The following RREB1 variants were observed in gnomAD, a reference collection of about 807,000 sequenced individuals.
RREB1 encodes ras-responsive element-binding protein 1.
RREB1 carries 27 observed loss-of-function variants against 117.8 expected under a neutral mutation model. The ratio of observed to expected loss-of-function variants is 0.23; its 90% confidence interval spans 0.17 to 0.32. The LOEUF is 0.32. Among genes scored for constraint, RREB1 ranks in the 10% least tolerant of loss-of-function variants. RREB1 has a pLI of 1.00. For synonymous variants in RREB1, 1,298 were observed against 1,026.7 expected, an observed-to-expected ratio of 1.26 and a Z score of -5.05; for missense variants, 2,577 against 2,378.2, an observed-to-expected ratio of 1.08 and a Z score of -1.74.
Position 7,231,572 on chromosome 6 carries a change from G to A in RREB1, c.3473G>A (p.Gly1158Glu). 6.2e-7 allele frequency: 1 copy of A among 1,611,542 alleles called. No homozygotes were observed. Among genetic ancestry groups the A allele is most frequent in the East Asian group, 2.2e-5 (1 of 44,808 alleles). Residue 1158 changes from glycine (G) to glutamate (E), a missense_variant, in exon 10 of 13, where the codon GGG becomes GAG. By Grantham distance (98) the Gly-to-Glu change is moderately conservative. Coordinates refer to ENST00000379938, the MANE Select transcript of RREB1 (RefSeq NM_001003699.4). ...GTSKKRGRKR[G>E]MRSRPRANSG... is the part of the protein sequence containing the mutation. Reference sequence around the variant, plus strand: ...TCGAAGAAGAGGGGCCGGAAAAGGGGGATGAGGAGCCGACCCCGCGCCAAC... The same window carrying A: ...TCGAAGAAGAGGGGCCGGAAAAGGGAGATGAGGAGCCGACCCCGCGCCAAC...
In RREB1 at chr6:7,229,224, C is replaced by T. The variant is rs779762492; in HGVS notation, c.1125C>T (p.Val375=). The change falls in exon 10 of 13, where the codon GTC becomes GTT. Residue 375 remains valine (V), a synonymous_variant. Transcript: ENST00000379938. This position sits in a 1 kb window ranked among gnomAD's most constrained non-coding sequence, Gnocchi z 4.5. ...ALLGLQHTKD[V]RPAPAEEPLP... is the part of the protein sequence containing the mutation. ...TTGGCCTGCAGCACACCAAAGACGT[C>T]AGGCCTGCCCCCGCCGAGGAGCCCC... is the stretch of plus-strand genomic sequence containing the variant. The T allele has an allele frequency of 1.2e-6, 2 of 1,613,816 alleles. No individual in the cohort carries two copies. The highest frequency in any genetic ancestry group is 8.5e-7 in the Non-Finnish European group (1 of 1,179,878).
chr6:7,246,873 C>T lies in RREB1; in HGVS notation c.4423C>T (p.Pro1475Ser). ...RHRKAHGRQEPKDEKGDGAST... is the reference protein window; with the variant it reads ...RHRKAHGRQESKDEKGDGAST... ...CCGGAAGGCGCACGGCCGCCAGGAG[C>T]CCAAGGACGAGAAGGGAGATGGCGC... Residue 1475 changes from proline (P) to serine (S), a missense_variant, in exon 12 of 13, where the codon CCC becomes TCC. By Grantham distance (74) the Pro-to-Ser change is moderately conservative. Coordinates refer to ENST00000379938, the MANE Select transcript of RREB1 (RefSeq NM_001003699.4). The T allele has an allele frequency of 6.4e-7, 1 of 1,552,738 alleles. No homozygotes were observed. The highest frequency in any genetic ancestry group is 8.7e-7 in the Non-Finnish European group (1 of 1,148,440).
Position 7,246,683 on chromosome 6 carries a change from G to T in RREB1, c.4233G>T (p.Ser1411=). The change falls in exon 12 of 13, where the codon TCG becomes TCT. Residue 1411 remains serine, a synonymous_variant. Coordinates refer to ENST00000379938, the MANE Select transcript of RREB1 (RefSeq NM_001003699.4). ...CCGACGGCGCGGAAGAGGACGCGTC[G>T]AGCAACCAGAGCCTGGACCTGGACT... ...GDADGAEEDA[S]SNQSLDLDFA... 6.3e-7 allele frequency: 1 copy of T among 1,582,630 alleles called. No homozygotes were observed. Among genetic ancestry groups the T allele is most frequent in the Non-Finnish European group, 8.6e-7 (1 of 1,164,748 alleles).
chr6:7,154,966 A>G (rs1466502221), intron 1 of RREB1, among the ~76,000 whole-genome samples: 1 of 152,168 alleles, frequency 6.6e-6, no homozygotes. Context: ...GGTCAATACT[A>G]GAGGGGCATG....
chr6:7,192,116 ATTTTTTTTTTTTTT>A (rs34074532), intron 6 of RREB1, among the ~76,000 whole-genome samples: 2 of 15,298 alleles, frequency 1.3e-4, no homozygotes, highest in Non-Finnish European at 1.1e-4. Flanking sequence ...TTGTCAGATG[ATTTTTTTTTTTTTT>A]TTTTTTTTTT....
chr6:7,171,346 G>A (rs1282655460), intron 1 of RREB1, among the ~76,000 whole-genome samples: 1 of 152,120 alleles, frequency 6.6e-6, no homozygotes, highest in Non-Finnish European at 1.5e-5. Context: ...TGACGGGGAC[G>A]GAAATGGAAA....
At chr6:7,248,447 G>T (rs1387017831) in intron 12 of RREB1, 64 bp from the exon 13 acceptor site, 11 of 1,407,214 alleles carry the variant, frequency 7.8e-6, no homozygotes, top group African/African-American at 1.4e-5. Flanking sequence ...TTCCTGTGCA[G>T]AGCAGGGTGC....
intron 1 of RREB1, among the ~76,000 whole-genome samples, chr6:7,156,126 C>CT (rs1440695407): frequency 1.3e-5 from 2 of 152,218 alleles, no homozygotes; most frequent in African/African-American, 4.8e-5. Context: ...CTCATTCACA[C>CT]TTAAGAGTCT....
intron 9 of RREB1, among the ~76,000 whole-genome samples, chr6:7,227,542 G>GA (rs11399954): frequency 0.41 from 61,252 of 149,236 alleles, 14,762 homozygotes; most frequent in African/African-American, 0.69. Context: ...CTCCGTCTAA[G>GA]AAAAAAAAAA....
intron 8 of RREB1, among the ~76,000 whole-genome samples, chr6:7,222,961 A>G (rs556603433): frequency 1.3e-5 from 2 of 152,246 alleles, no homozygotes; most frequent in South Asian, 2.1e-4. Context: ...AGAAGTCTCA[A>G]AAGTGGAGAG....
intron 1 of RREB1, among the ~76,000 whole-genome samples, chr6:7,152,606 A>G (rs1434345884): frequency 6.6e-6 from 1 of 152,046 alleles, no homozygotes; most frequent in East Asian, 1.9e-4. Flanking sequence ...TTTTGGCCAC[A>G]TGGAAGTACC....
intron 6 of RREB1, among the ~76,000 whole-genome samples, chr6:7,205,514 A>G (rs1467590567): frequency 6.6e-6 from 1 of 152,218 alleles, no homozygotes; most frequent in African/African-American, 2.4e-5. Context: ...TGTCTACACC[A>G]TCTTTCCACC....
In RREB1 at chr6:7,231,692, A is replaced by C. The variant is rs747006766; in HGVS notation, c.3593A>C (p.Gln1198Pro). ...ACCAACAAGTTCAGTCCGTTTCTGC[A>C]GACAGCGGAGGACAACACTCAGGAT... ...TDTNKFSPFL[Q>P]TAEDNTQDEV... The change falls in exon 10 of 13, where the codon CAG (glutamine) becomes CCG (proline). Residue 1198 changes from glutamine (Q) to proline (P), a missense_variant. Transcript: ENST00000379938. The C allele has an allele frequency of 8.7e-6, 14 of 1,612,430 alleles. No homozygotes were observed. In the South Asian group the frequency reaches 1.5e-4, roughly 18 times the overall value.
chr6:7,176,077 C>T (rs993522316), intron 1 of RREB1, among the ~76,000 whole-genome samples: 1 of 152,154 alleles, frequency 6.6e-6, no homozygotes, highest in African/African-American at 2.4e-5. Context: ...CCACCACACC[C>T]AGCTGATTTT....
intron 1 of RREB1, among the ~76,000 whole-genome samples, chr6:7,135,362 G>A (rs1034909508): frequency 1.3e-5 from 2 of 152,166 alleles, no homozygotes; most frequent in Non-Finnish European, 2.9e-5. Flanking sequence ...GTAAATCCAG[G>A]GAAATTCTAA....
chr6:7,187,292 C>T (rs1041840108), intron 4 of RREB1, 142 bp from the exon 5 acceptor site: 3 of 451,126 alleles, frequency 6.7e-6, no homozygotes, highest in African/African-American at 5.9e-5. Context: ...CCGTGACTTG[C>T]ACAAGCTTAT....
At position 7,229,402 on chromosome 6, in the gene RREB1, A is replaced by C. The variant is rs747466457; in HGVS notation, c.1303A>C (p.Lys435Gln). The C allele has an allele frequency of 6.2e-7, 1 of 1,614,128 alleles. No individual in the cohort carries two copies. Among genetic ancestry groups the C allele is most frequent in the Non-Finnish European group, 8.5e-7 (1 of 1,179,986 alleles). The change falls in exon 10 of 13, where the codon AAG becomes CAG. Residue 435 changes from lysine to glutamine, a missense_variant. Coordinates refer to ENST00000379938, the MANE Select transcript of RREB1 (RefSeq NM_001003699.4). The surrounding 1 kb of genome is among the most constrained non-coding windows in gnomAD (Gnocchi z 4.5). ...TCTCCCCGCGACCAAGGACAGCATA[A>C]AGCACCTGTCCCTGCAGCCCTTCCA... The part of the protein sequence containing the change: ...TVLPATKDSI[K>Q]HLSLQPFQKG...
chr6:7,192,845 G>A (rs1427556306), intron 6 of RREB1, among the ~76,000 whole-genome samples: 2 of 152,056 alleles, frequency 1.3e-5, no homozygotes, highest in Non-Finnish European at 2.9e-5. Flanking sequence ...GGTTTAGTTT[G>A]ACCTTTTTCC....
In RREB1 at chr6:7,246,991, C is replaced by T. The variant is rs766537970; in HGVS notation, c.4541C>T (p.Ala1514Val). The T allele has an allele frequency of 6.3e-7, 1 of 1,594,254 alleles. No individual in the cohort carries two copies. Reference protein sequence around the residue: ...PAEVVESAPGAGEAPAEKLAE... With the variant: ...PAEVVESAPGVGEAPAEKLAE... Reference sequence around the variant, plus strand: ...GAGGTGGTGGAGTCGGCCCCGGGTGCCGGGGAGGCCCCGGCGGAAAAGCTC... The same window carrying T: ...GAGGTGGTGGAGTCGGCCCCGGGTGTCGGGGAGGCCCCGGCGGAAAAGCTC... Residue 1514 changes from alanine (A) to valine (V), a missense_variant, in exon 12 of 13, where the codon GCC becomes GTC. Physicochemically the swap from Ala to Val is moderately conservative, Grantham distance 64. Transcript: ENST00000379938.
Sources: gnomAD v4.1 joint callset for allele counts (sites outside exome capture counted in the v4.1 genomes callset) on GRCh38, gnomAD v4.1.1 for gene constraint, Gnocchi (gnomAD v3.1) non-coding constraint, MANE v1.5 for transcripts, NCBI Gene and HGNC (gene_info 2026-07-23, HGNC 2026-07-21) for gene names.